HSD17B12: variants seen among roughly 807,000 people sequenced by gnomAD.
HSD17B12 encodes very-long-chain 3-oxoacyl-CoA reductase.
A neutral mutation model predicts 39.3 loss-of-function variants in HSD17B12; 32 were observed. The ratio of observed to expected loss-of-function variants is 0.81; its 90% CI spans 0.61 to 1.09. The LOEUF is 1.09. Ranked by LOEUF, HSD17B12 falls within the 50% of genes least tolerant of loss-of-function variation. The pLI is 0.00. For missense variants in HSD17B12, 342 were observed against 382.9 expected, an observed-to-expected ratio of 0.89 and a Z score of 0.89; for synonymous variants, 150 against 146.7, an observed-to-expected ratio of 1.02 and a Z score of -0.16.
chr11:43,736,301 G>A (rs1323144167), intron 1 of HSD17B12, among the ~76,000 whole-genome samples: 1 of 151,510 alleles, frequency 6.6e-6, no homozygotes, highest in East Asian at 1.9e-4. Context: ...TTTTGTTTTC[G>A]TTTTTCTGTT....
chr11:43,643,577 A>G, the HSD17B12 span, among the ~76,000 whole-genome samples: 2 of 152,204 alleles, frequency 1.3e-5, no homozygotes, highest in Non-Finnish European at 2.9e-5. Flanking sequence ...AAACCAAAGT[A>G]TATTGACACA....
At chr11:43,718,746 C>A in intron 1 of HSD17B12, 2 of 1,291,082 alleles carry the variant, frequency 1.5e-6, no homozygotes, top group Non-Finnish European at 2.2e-6. Context: ...GCTTTAAAGG[C>A]CAAGAAGGCA....
chr11:43,850,583 G>A (rs1951521287), intron 9 of HSD17B12, among the ~76,000 whole-genome samples: 2 of 152,170 alleles, frequency 1.3e-5, no homozygotes, highest in African/African-American at 4.8e-5. Flanking sequence ...ACACCTGAAA[G>A]ATGCCCTACC....
At chr11:43,772,042 GTC>G (rs1950655707) in intron 3 of HSD17B12, among the ~76,000 whole-genome samples, 1 of 151,886 alleles carries the variant, frequency 6.6e-6, no homozygotes, top group African/African-American at 2.4e-5. Flanking sequence ...ATATATCTCT[GTC>G]TCTCTCGAAA....
intron 3 of HSD17B12, among the ~76,000 whole-genome samples, chr11:43,795,116 C>A (rs1222129919): frequency 2.0e-5 from 3 of 152,004 alleles, no homozygotes; most frequent in African/African-American, 7.3e-5. Context: ...CTTAATTCAC[C>A]CTCATACTGA....
At chr11:43,687,937 C>T (rs12291032) in intron 1 of HSD17B12, among the ~76,000 whole-genome samples, 23,621 of 152,144 alleles carry the variant, frequency 0.16, 1,977 homozygotes, top group Non-Finnish European at 0.19. Flanking sequence ...ATTGGCTGGG[C>T]GCAGTGGCTC....
chr11:43,720,543 C>G (rs1021515884), intron 1 of HSD17B12, among the ~76,000 whole-genome samples: 8 of 152,214 alleles, frequency 5.3e-5, no homozygotes, highest in African/African-American at 1.9e-4. Context: ...TGCCTGCCAT[C>G]AGGTCCCAAA....
chr11:43,680,824 A>T lies in HSD17B12; in HGVS notation c.-4A>T, dbSNP rs368642264. ...ACGAAGGTAGTGAGGCCTAGTGGAA[A>T]GCCATGGAGAGCGCTCTCCCCGCCG... is the stretch of plus-strand genomic sequence containing the variant. On this transcript the variant is annotated 5_prime_UTR_variant, in exon 1 of 11. It adds an upstream start codon to the 5' untranslated region. Transcript: ENST00000278353. 1 of 1,613,666 alleles carries T rather than the reference A, an allele frequency of 6.2e-7. No homozygotes were observed. The highest frequency in any genetic ancestry group is 1.3e-5 in the African/African-American group (1 of 75,008).
upstream of HSD17B12, among the ~76,000 whole-genome samples, chr11:43,677,782 A>T (rs1286033654): frequency 1.3e-5 from 2 of 152,136 alleles, no homozygotes; most frequent in Non-Finnish European, 2.9e-5. Flanking sequence ...TCATCCTTTT[A>T]TATGGCTGTA....
At chr11:43,700,431 T>C (rs996199506) in intron 1 of HSD17B12, among the ~76,000 whole-genome samples, 2 of 152,150 alleles carry the variant, frequency 1.3e-5, no homozygotes, top group Non-Finnish European at 2.9e-5. Flanking sequence ...ATGGTAGGTC[T>C]TAATCATTCT....
intron 1 of HSD17B12, among the ~76,000 whole-genome samples, chr11:43,738,803 G>A (rs976593946): frequency 2.0e-5 from 3 of 152,134 alleles, no homozygotes; most frequent in African/African-American, 4.8e-5. Context: ...TCCAAAGGAC[G>A]ACCAGCATGG....
At chr11:43,795,601 G>A (rs1275562532) in intron 3 of HSD17B12, among the ~76,000 whole-genome samples, 1 of 152,122 alleles carries the variant, frequency 6.6e-6, no homozygotes, top group Non-Finnish European at 1.5e-5. Flanking sequence ...TCTATAAAAG[G>A]GACATATCAC....
intron 6 of HSD17B12, among the ~76,000 whole-genome samples, chr11:43,828,494 A>C (rs929434591): frequency 6.6e-6 from 1 of 151,196 alleles, no homozygotes; most frequent in Non-Finnish European, 1.5e-5. Context: ...ACACTTTTGG[A>C]AACAGTCCCA....
At chr11:43,762,006 T>A (rs1174548344) in intron 3 of HSD17B12, among the ~76,000 whole-genome samples, 1 of 152,092 alleles carries the variant, frequency 6.6e-6, no homozygotes, top group East Asian at 1.9e-4. Flanking sequence ...GAAAATACGA[T>A]CTGGATTTGG....
chr11:43,615,374 C>T, the HSD17B12 span, among the ~76,000 whole-genome samples: 5 of 152,190 alleles, frequency 3.3e-5, no homozygotes, highest in Non-Finnish European at 4.4e-5. Context: ...CTCACAGATT[C>T]TTGTCCTGTG....
the HSD17B12 span, among the ~76,000 whole-genome samples, chr11:43,594,891 T>G: frequency 6.6e-6 from 1 of 152,198 alleles, no homozygotes; most frequent in Non-Finnish European, 1.5e-5. Context: ...TTCTTTTTCC[T>G]GCAGAGCAAA....
chr11:43,663,432 A>G, the HSD17B12 span, among the ~76,000 whole-genome samples: 3 of 152,020 alleles, frequency 2.0e-5, no homozygotes, highest in African/African-American at 7.2e-5. Context: ...TAGTCTCACC[A>G]TGTTGCCCAG....
chr11:43,743,896 A>G (rs1431254306), intron 1 of HSD17B12, among the ~76,000 whole-genome samples: 1 of 152,234 alleles, frequency 6.6e-6, no homozygotes, highest in African/African-American at 2.4e-5. Flanking sequence ...GTAAATGTGT[A>G]AACAAACTAT....
the HSD17B12 span, among the ~76,000 whole-genome samples, chr11:43,605,163 G>C: frequency 6.6e-6 from 1 of 152,166 alleles, no homozygotes; most frequent in Non-Finnish European, 1.5e-5. Flanking sequence ...GAAGGATAAA[G>C]AGCCATGTGG....
Sources: allele counts gnomAD v4.1 joint callset (sites outside exome capture counted in the v4.1 genomes callset), GRCh38; gene constraint gnomAD v4.1.1; transcripts MANE v1.5; gene names NCBI Gene and HGNC (gene_info 2026-07-23, HGNC 2026-07-21).